Variants in ARK2C observed in about 807,000 individuals in gnomAD.
ARK2C encodes E3 ubiquitin-protein ligase ARK2C.
At chr18:46,364,942 C>G in the ARK2C span, among the ~76,000 whole-genome samples, 1 of 152,140 alleles carries the variant, frequency 6.6e-6, no homozygotes, top group Non-Finnish European at 1.5e-5. Flanking sequence ...AGAGCTGGCC[C>G]TCTGGTCCCA....
chr18:46,336,423 A>G, the ARK2C span: 10 of 985,442 alleles, frequency 1.0e-5, no homozygotes, highest in Non-Finnish European at 1.2e-5. Context: ...CCCATCAGTT[A>G]AAGTTTACTT....
the ARK2C span, among the ~76,000 whole-genome samples, chr18:46,437,655 G>A: frequency 2.0e-5 from 3 of 152,238 alleles, no homozygotes; most frequent in Non-Finnish European, 2.9e-5. Flanking sequence ...TGGCCTGAGA[G>A]TGTGTGGAAG....
chr18:46,417,055 C>A, the ARK2C span, among the ~76,000 whole-genome samples: 1 of 152,218 alleles, frequency 6.6e-6, no homozygotes, highest in Non-Finnish European at 1.5e-5. Context: ...GCTTAGCAAG[C>A]AAGATATGGA....
the ARK2C span, among the ~76,000 whole-genome samples, chr18:46,392,702 C>T: frequency 1.3e-5 from 2 of 152,188 alleles, no homozygotes; most frequent in African/African-American, 2.4e-5. Flanking sequence ...TGTGCCTTGT[C>T]AGTCTCTCCC....
chr18:46,389,369 C>T, the ARK2C span, among the ~76,000 whole-genome samples: 1 of 152,214 alleles, frequency 6.6e-6, no homozygotes, highest in Non-Finnish European at 1.5e-5. Flanking sequence ...TCTAAACACA[C>T]TGGATAAAGT....
At chr18:46,357,954 G>A in the ARK2C span, among the ~76,000 whole-genome samples, 7 of 152,270 alleles carry the variant, frequency 4.6e-5, 1 homozygote, top group Middle Eastern at 0.014. Flanking sequence ...GCTTGTAGCC[G>A]CATCACTCCA....
chr18:46,345,293 C>G, the ARK2C span, among the ~76,000 whole-genome samples: 1 of 152,190 alleles, frequency 6.6e-6, no homozygotes, highest in Admixed American at 6.5e-5. Flanking sequence ...GAGGGGGCAG[C>G]AGCCAGCCCC....
chr18:46,461,237 G>C, the ARK2C span: 1 of 152,324 alleles, frequency 6.6e-6, no homozygotes, highest in Non-Finnish European at 1.5e-5. Flanking sequence ...TCTGGGTGGG[G>C]TGAGTGAGGA....
the ARK2C span, among the ~76,000 whole-genome samples, chr18:46,391,218 A>T: frequency 4.8e-4 from 73 of 152,286 alleles, no homozygotes; most frequent in African/African-American, 1.6e-3. Flanking sequence ...TTCATTTCAC[A>T]TGAGTGATCT....
At chr18:46,388,032 C>A in the ARK2C span, among the ~76,000 whole-genome samples, 1 of 152,222 alleles carries the variant, frequency 6.6e-6, no homozygotes, top group African/African-American at 2.4e-5. Flanking sequence ...AAGCAGGCCT[C>A]TTTGCCATTC....
At chr18:46,350,734 G>C in the ARK2C span, among the ~76,000 whole-genome samples, 3 of 152,228 alleles carry the variant, frequency 2.0e-5, no homozygotes, top group African/African-American at 7.2e-5. Context: ...GGGAATGAAA[G>C]AGATCATATG....
the ARK2C span, chr18:46,337,579 G>A: frequency 8.1e-6 from 8 of 984,892 alleles, no homozygotes; most frequent in South Asian, 2.8e-4. Context: ...TGTGCATGAC[G>A]ACATTGTTAC....
chr18:46,413,366 G>A, the ARK2C span, among the ~76,000 whole-genome samples: 1 of 151,968 alleles, frequency 6.6e-6, no homozygotes, highest in African/African-American at 2.4e-5. Context: ...CTGTCCCACC[G>A]TGCCCAAACC....
the ARK2C span, among the ~76,000 whole-genome samples, chr18:46,432,970 A>AT: frequency 0.054 from 8,262 of 152,154 alleles, 315 homozygotes; most frequent in African/African-American, 0.11. Context: ...AAATAAATAA[A>AT]AAATAAAGAT....
chr18:46,390,691 T>A, the ARK2C span, among the ~76,000 whole-genome samples: 1 of 152,170 alleles, frequency 6.6e-6, no homozygotes, highest in Admixed American at 6.5e-5. Context: ...GTGTGGAATA[T>A]CAGGCTAAGG....
At chr18:46,363,296 G>T in the ARK2C span, among the ~76,000 whole-genome samples, 1 of 152,236 alleles carries the variant, frequency 6.6e-6, no homozygotes, top group Non-Finnish European at 1.5e-5. Context: ...ACCTTTGGCT[G>T]CAGAGGAAGC....
the ARK2C span, among the ~76,000 whole-genome samples, chr18:46,400,438 A>G: frequency 6.6e-5 from 10 of 152,170 alleles, no homozygotes; most frequent in Non-Finnish European, 1.3e-4. Context: ...GAGTGCCATT[A>G]TGGCCCCTGT....
the ARK2C span, among the ~76,000 whole-genome samples, chr18:46,407,757 C>A: frequency 6.6e-6 from 1 of 152,196 alleles, no homozygotes; most frequent in Non-Finnish European, 1.5e-5. Flanking sequence ...TGAGACATAT[C>A]TGGAGAATAC....
At chr18:46,340,304 A>G in the ARK2C span, among the ~76,000 whole-genome samples, 1 of 152,228 alleles carries the variant, frequency 6.6e-6, no homozygotes, top group Non-Finnish European at 1.5e-5. Context: ...TTAAGAACCA[A>G]AAGCAAACCC....
Sources: gnomAD v4.1 joint callset for allele counts (sites outside exome capture counted in the v4.1 genomes callset) on GRCh38, gnomAD v4.1.1 for gene constraint, MANE v1.5 for transcripts, NCBI Gene and HGNC (gene_info 2026-07-23, HGNC 2026-07-21) for gene names.